TBC1D1: variants seen among roughly 807,000 people sequenced by gnomAD.
The protein encoded by TBC1D1 is TBC1 (tre-2/USP6, BUB2, cdc16) domain family, member 1.
In TBC1D1, 89 loss-of-function variants were observed where a neutral mutation model predicts 125.6. The ratio of observed to expected loss-of-function variants is 0.71; its 90% confidence interval spans 0.60 to 0.85. The LOEUF is 0.85. Ranked by LOEUF, TBC1D1 falls within the 40% of genes least tolerant of loss-of-function variation. The pLI is 0.00. For synonymous variants in TBC1D1, 565 were observed against 564.1 expected, an observed-to-expected ratio of 1.00 and a Z score of -0.02; for missense variants, 1,377 against 1,469.2, an observed-to-expected ratio of 0.94 and a Z score of 1.03.
At chr4:38,012,979 G>C (rs2152424599) in intron 2 of TBC1D1, among the ~76,000 whole-genome samples, 1 of 152,216 alleles carries the variant, frequency 6.6e-6, no homozygotes, top group East Asian at 1.9e-4. Flanking sequence ...ATTTTTAGTA[G>C]AGACGGGGTT....
chr4:37,972,903 C>CAAA (rs33977382), intron 2 of TBC1D1, among the ~76,000 whole-genome samples: 1 of 104,584 alleles, frequency 9.6e-6, no homozygotes, highest in African/African-American at 3.8e-5. Flanking sequence ...ACTCCATCTC[C>CAAA]AAAAAAAAAA....
chr4:37,971,356 C>A (rs1435750298), intron 2 of TBC1D1, among the ~76,000 whole-genome samples: 1 of 152,128 alleles, frequency 6.6e-6, no homozygotes, highest in Non-Finnish European at 1.5e-5. Flanking sequence ...GCCTCAAAAT[C>A]ATGGTAGAAG....
intron 8 of TBC1D1, among the ~76,000 whole-genome samples, chr4:38,041,486 G>A (rs1748364544): frequency 6.6e-6 from 1 of 152,166 alleles, no homozygotes; most frequent in Admixed American, 6.5e-5. Flanking sequence ...CATTTCACAT[G>A]AGTCTATAAG....
chr4:37,927,395 A>G (rs1003512583), intron 2 of TBC1D1, among the ~76,000 whole-genome samples: 7 of 152,154 alleles, frequency 4.6e-5, no homozygotes, highest in African/African-American at 1.7e-4. Context: ...TAGGACTACT[A>G]GGTTTCAAGT....
chr4:38,045,927 A>T, intron 10 of TBC1D1, 24 bp downstream of exon 10: 2 of 1,598,366 alleles, frequency 1.3e-6, no homozygotes, highest in Non-Finnish European at 1.7e-6. Flanking sequence ...TCTTTATACG[A>T]CACCCTGAAG....
intron 2 of TBC1D1, among the ~76,000 whole-genome samples, chr4:38,010,920 TAG>T (rs1300755030): frequency 1.3e-5 from 2 of 152,172 alleles, no homozygotes; most frequent in African/African-American, 2.4e-5. Context: ...TAGAGATGCC[TAG>T]AAAAATGTAT....
intron 17 of TBC1D1, among the ~76,000 whole-genome samples, chr4:38,121,094 G>C (rs981428250): frequency 2.0e-5 from 3 of 152,178 alleles, no homozygotes; most frequent in African/African-American, 7.2e-5. Context: ...CAGGTGACAT[G>C]ATGCCGCGTG....
In TBC1D1 at chr4:38,060,562, C is replaced by T; in HGVS notation, c.2050+6224C>T. 3.4e-6 allele frequency: 4 copies of T among 1,159,428 alleles called. 1 individual carries two copies. Among genetic ancestry groups the T allele is most frequent in the East Asian group, 5.8e-5 (1 of 17,250 alleles). The allele number at this position is 1,159,428 out of a possible 1,614,324, so 71.8% of individuals were successfully genotyped here. ...TGTTCATGAGAGAGACATATTTGCT[C>T]CTCTGAGTAAAGGGTAAGGATGCTT... is the stretch of plus-strand genomic sequence containing the variant. On this transcript the variant is annotated intron_variant, in intron 12 of 19. Transcript: ENST00000261439.
chr4:37,995,505 A>T lies in TBC1D1; in HGVS notation c.418-19004A>T. On this transcript the variant is annotated intron_variant, in intron 2 of 19. Transcript: ENST00000261439. This position sits in a 1 kb window ranked among gnomAD's most constrained non-coding sequence, Gnocchi z 4.3. The stretch of plus-strand genomic sequence containing the variant: ...TTCCAGCCCTGGGCTCAGTACACAG[A>T]TGGTTTCTCTTCACCTTTTGGGTTG... 3.0e-6 allele frequency: 1 copy of T among 329,224 alleles called. No individual in the cohort carries two copies. Among genetic ancestry groups the T allele is most frequent in the South Asian group, 2.5e-5 (1 of 39,444 alleles). 20.4% of individuals were successfully genotyped at this position (329,224 alleles called of 1,614,324 possible).
At chr4:38,058,455 G>A (rs1156649142) in intron 12 of TBC1D1, among the ~76,000 whole-genome samples, 2 of 152,210 alleles carry the variant, frequency 1.3e-5, no homozygotes, top group Non-Finnish European at 2.9e-5. Context: ...TTGCCTGGGC[G>A]GCTGAGCCAT....
chr4:38,082,493 G>T (rs922725639), intron 12 of TBC1D1, among the ~76,000 whole-genome samples: 3 of 152,178 alleles, frequency 2.0e-5, no homozygotes, highest in Non-Finnish European at 2.9e-5. Context: ...CTTTAGTTTT[G>T]TTGTCTTTAA....
chr4:38,099,908 T>A (rs1301783427), intron 14 of TBC1D1, among the ~76,000 whole-genome samples: 1 of 152,242 alleles, frequency 6.6e-6, no homozygotes, highest in African/African-American at 2.4e-5. Context: ...GCCAATATTC[T>A]TTTCTTTCAA....
chr4:38,049,687 G>C lies in TBC1D1; in HGVS notation c.1699G>C (p.Glu567Gln). ...CTCCTTTAAGCTCCTCGGCTCCTCGGAGGACCTGTCCAGTGACTCGGAGAG... is the reference window on the plus strand; with the variant it reads ...CTCCTTTAAGCTCCTCGGCTCCTCGCAGGACCTGTCCAGTGACTCGGAGAG... Residue 567 changes from glutamate to glutamine, a missense_variant, in exon 11 of 20, where the codon GAG becomes CAG. Physicochemically the swap from Glu to Gln is conservative, Grantham distance 29. Transcript: ENST00000261439. The C allele has an allele frequency of 6.2e-7, 1 of 1,614,146 alleles. No individual in the cohort carries two copies. The highest frequency in any genetic ancestry group is 8.5e-7 in the Non-Finnish European group (1 of 1,180,018).
intron 2 of TBC1D1, among the ~76,000 whole-genome samples, chr4:37,953,832 A>G (rs1452393502): frequency 2.0e-5 from 3 of 152,188 alleles, no homozygotes; most frequent in African/African-American, 7.2e-5. Context: ...GTTCAGCTAA[A>G]AGTAATAGAA....
chr4:38,018,507 C>A, intron 4 of TBC1D1, 64 bp downstream of exon 4: 1 of 1,050,502 alleles, frequency 9.5e-7, no homozygotes, highest in Non-Finnish European at 1.4e-6. Context: ...TCTATAATAT[C>A]TATCATGTAA....
chr4:38,093,905 G>A (rs532603369), intron 13 of TBC1D1, among the ~76,000 whole-genome samples: 22 of 152,232 alleles, frequency 1.4e-4, no homozygotes, highest in African/African-American at 4.8e-4. Context: ...CAATACAGCC[G>A]TGGCTTGGTG....
intron 2 of TBC1D1, among the ~76,000 whole-genome samples, chr4:38,013,495 G>A (rs946459022): frequency 2.0e-5 from 3 of 152,140 alleles, no homozygotes; most frequent in African/African-American, 7.2e-5. Flanking sequence ...ATTGGTTTAG[G>A]TGTTAGGTCA....
chr4:37,892,668 C>T (rs1032387365), intron 1 of TBC1D1, among the ~76,000 whole-genome samples: 6 of 152,132 alleles, frequency 3.9e-5, no homozygotes, highest in African/African-American at 4.8e-5. Flanking sequence ...TTTGCAAATG[C>T]GTCTCCTTGT....
rs1171954284 is a variant in TBC1D1 at position 37,977,501 on chromosome 4, T to G, written c.418-37008T>G. 3 of 992,252 alleles carry G rather than the reference T, an allele frequency of 3.0e-6. No individual in the cohort carries two copies. The highest frequency in any genetic ancestry group is 3.6e-6 in the Non-Finnish European group (3 of 827,602). The allele number at this position is 992,252 out of a possible 1,614,324, so 61.5% of individuals were successfully genotyped here. On this transcript the variant is annotated intron_variant, in intron 2 of 19. Coordinates refer to ENST00000261439, the MANE Select transcript of TBC1D1 (RefSeq NM_015173.4). This position sits in a 1 kb window ranked among gnomAD's most constrained non-coding sequence, Gnocchi z 4.3. ...CGAAGAGCCGCCGCCCGGCCCGCGA[T>G]GTCACCATTGTTCAGCTGGGTGGCC...
Sources: gnomAD v4.1 joint callset for allele counts (sites outside exome capture counted in the v4.1 genomes callset) on GRCh38, gnomAD v4.1.1 for gene constraint, Gnocchi (gnomAD v3.1) non-coding constraint, MANE v1.5 for transcripts, NCBI Gene and HGNC (gene_info 2026-07-23, HGNC 2026-07-21) for gene names.